Variants in PCNT observed in about 807,000 individuals in gnomAD.
PCNT encodes kendrin.
A neutral mutation model predicts 380.4 loss-of-function variants in PCNT; 319 were observed. The ratio of observed to expected loss-of-function variants is 0.84; its 90% CI spans 0.77 to 0.92. The LOEUF (loss-of-function observed/expected upper bound fraction) is 0.92, where lower values mean the gene tolerates loss of function less well. Ranked by LOEUF, PCNT falls within the 40% of genes least tolerant of loss-of-function variation. The probability of loss-of-function intolerance (pLI) is 0.00; values close to 1 mark genes in which losing one functional copy is unlikely to be tolerated. For missense variants in PCNT, 4,400 were observed against 4,255.3 expected, an observed-to-expected ratio of 1.03 and a Z score of -0.95; for synonymous variants, 1,845 against 1,735.2, an observed-to-expected ratio of 1.06 and a Z score of -1.57.
chr21:46,347,560 T>C (rs1004136387), intron 6 of PCNT, 48 bp downstream of exon 6: 2 of 1,581,626 alleles, frequency 1.3e-6, no homozygotes, highest in Non-Finnish European at 1.7e-6. Context: ...ATGTTGTTTT[T>C]CCTTTCTCGC....
intron 15 of PCNT, among the ~76,000 whole-genome samples, chr21:46,377,442 A>G (rs555540985): frequency 9.8e-4 from 150 of 152,296 alleles, no homozygotes; most frequent in African/African-American, 3.4e-3. Flanking sequence ...TTGTCTTAAA[A>G]CTGAGCTTTT....
intron 37 of PCNT, chr21:46,431,116 G>C (rs2087744140): frequency 8.4e-7 from 1 of 1,185,122 alleles, no homozygotes; most frequent in Non-Finnish European, 1.1e-6. Context: ...TTCCTAGCAA[G>C]CTGGGTGTGT....
chr21:46,421,539 C>T (rs908668640), intron 31 of PCNT, among the ~76,000 whole-genome samples: 1 of 152,218 alleles, frequency 6.6e-6, no homozygotes, highest in Admixed American at 6.5e-5. Context: ...GCACGGTCAG[C>T]GTTTCCTGAG....
chr21:46,381,664 G>C (rs1220828233), intron 15 of PCNT, 30 bp from the exon 16 acceptor site: 3 of 1,601,192 alleles, frequency 1.9e-6, no homozygotes, highest in Middle Eastern at 1.7e-4. Context: ...CTAGCTTACT[G>C]GTATTTTTTA....
intron 36 of PCNT, 50 bp downstream of exon 36, chr21:46,430,282 G>A: frequency 1.3e-6 from 2 of 1,549,646 alleles, no homozygotes; most frequent in Non-Finnish European, 1.8e-6. Context: ...CCCCCGTTGT[G>A]CCATGTTTTC....
At chr21:46,324,413 C>G in intron 1 of PCNT, 131 bp downstream of exon 1, 1 of 809,696 alleles carries the variant, frequency 1.2e-6, no homozygotes, top group Non-Finnish European at 2.1e-6. Flanking sequence ...TCGCTTTTTC[C>G]CGCCGGCTCC....
rs1243267933 is a variant in PCNT at position 46,366,801 on chromosome 21, G to C, written c.2827G>C (p.Ala943Pro). The C allele has an allele frequency of 6.2e-7, 1 of 1,613,684 alleles. No individual in the cohort carries two copies. The highest frequency in any genetic ancestry group is 1.3e-5 in the African/African-American group (1 of 74,958). The change falls in exon 15 of 47, where the codon GCT becomes CCT. Residue 943 changes from alanine to proline, a missense_variant. By Grantham distance (27) the Ala-to-Pro change is conservative (BLOSUM62 -1). Transcript: ENST00000359568. ...AGAGAGCAAGCAGGGGGCTCTGCTG[G>C]CTGCACGTGTGGCCGAACTGCAGAC... ...SLESKQGALL[A>P]ARVAELQTKH...
At chr21:46,375,064 G>A (rs954988561) in intron 15 of PCNT, among the ~76,000 whole-genome samples, 4 of 152,114 alleles carry the variant, frequency 2.6e-5, no homozygotes, top group Admixed American at 2.6e-4. Context: ...TACTTTCCGG[G>A]ATACCGCCCT....
At position 46,384,065 on chromosome 21, in the gene PCNT, G is replaced by T. The variant is rs1159215409; in HGVS notation, c.3313-1767G>T. On this transcript the variant is annotated intron_variant, in intron 16 of 46. Coordinates refer to ENST00000359568, the MANE Select transcript of PCNT (RefSeq NM_006031.6). ...GCACATTCACAGTGCTGTGCATTCA[G>T]CAGCGGAAGCGCATTCACAGTGTTG... Among the ~76,000 whole-genome samples the T allele has an allele frequency of 1.4e-5, 2 of 145,898 alleles. 1 individual carries two copies. Among genetic ancestry groups the T allele is most frequent in the East Asian group, 4.3e-4 (2 of 4,630 alleles).
At chr21:46,343,986 G>A (rs1316169396) in intron 3 of PCNT, among the ~76,000 whole-genome samples, 1 of 151,798 alleles carries the variant, frequency 6.6e-6, no homozygotes, top group Non-Finnish European at 1.5e-5. Flanking sequence ...GTTTCCAATT[G>A]AGCTTATTTG....
intron 15 of PCNT, among the ~76,000 whole-genome samples, chr21:46,368,195 C>T (rs2084993469): frequency 2.6e-5 from 4 of 152,018 alleles, no homozygotes; most frequent in Non-Finnish European, 5.9e-5. Context: ...CCTGTAATCC[C>T]AGCACTTTGG....
At position 46,353,875 on chromosome 21, in the gene PCNT, T is replaced by TG. The variant is rs915208327; in HGVS notation, c.1680-110dup. On this transcript the variant is annotated intron_variant, in intron 10 of 46. Transcript: ENST00000359568. ...CACATGGACATTGCCCGTCCTTGAC[T>TG]GGAAGCACGAGGAGGCGCCTCTGCT... is the stretch of plus-strand genomic sequence containing the variant. 30 of 907,988 alleles carry TG rather than the reference T, an allele frequency of 3.3e-5. No individual in the cohort carries two copies. In the African/African-American group the frequency reaches 4.3e-4, roughly 13 times the overall value. 56.2% of individuals were successfully genotyped at this position (907,988 alleles called of 1,614,324 possible).
At chr21:46,430,310 C>A in intron 36 of PCNT, 78 bp downstream of exon 36, 1 of 1,462,492 alleles carries the variant, frequency 6.8e-7, no homozygotes, top group Non-Finnish European at 9.4e-7. Context: ...TGAAGGGAGA[C>A]AGAACCTCTG....
intron 3 of PCNT, among the ~76,000 whole-genome samples, chr21:46,336,991 TTTG>T (rs757058054): frequency 0.18 from 5,343 of 29,004 alleles, 124 homozygotes; most frequent in Middle Eastern, 0.33. Context: ...GTTTTTTTTG[TTTG>T]TTTGTTTGTT....
intron 10 of PCNT, 100 bp downstream of exon 10, chr21:46,353,426 C>A: frequency 1.0e-6 from 1 of 972,674 alleles, no homozygotes; most frequent in Non-Finnish European, 1.6e-6. Context: ...TAGTAGGCAC[C>A]AATGGCCTTT....
chr21:46,359,491 G>GTTTTTTTT lies in PCNT; in HGVS notation c.2154+2309_2154+2316dup, dbSNP rs1219693835. ...CCAAAAATACACCTGTTTTTTTTTT[G>GTTTTTTTT]TTTTTTTTTTTTTTTTGAGACAGTG... On this transcript the variant is annotated intron_variant, in intron 13 of 46. Transcript: ENST00000359568. Among the ~76,000 whole-genome samples the GTTTTTTTT allele has an allele frequency of 6.1e-5, 4 of 66,044 alleles. 1 individual carries two copies. Among genetic ancestry groups the GTTTTTTTT allele is most frequent in the Non-Finnish European group, 9.5e-5 (3 of 31,484 alleles). 43.3% of individuals were successfully genotyped at this position (66,044 alleles called of 152,430 possible). A position where few individuals can be genotyped will look rare whatever the true frequency, so the allele number is the denominator to read the frequency against.
rs1270294014 is a variant in PCNT, at chr21:46,355,606, C to G, written c.1916C>G (p.Pro639Arg). 2 of 1,613,800 alleles carry G rather than the reference C, an allele frequency of 1.2e-6. No individual in the cohort carries two copies. The highest frequency in any genetic ancestry group is 2.7e-5 in the African/African-American group (2 of 74,932). ...SALGHEWRLE[P>R]SEGHSQELPW... is the part of the protein sequence containing the mutation. ...TTGGGACACGAGTGGCGTCTGGAAC[C>G]CTCTGAAGGGCACAGCCAAGGTGGG... Residue 639 changes from proline (P) to arginine (R), a missense_variant, in exon 12 of 47, where the codon CCC becomes CGC. By Grantham distance (103) the Pro-to-Arg change is moderately radical. Coordinates refer to ENST00000359568, the MANE Select transcript of PCNT (RefSeq NM_006031.6).
chr21:46,327,531 GT>G (rs1033450537), intron 2 of PCNT, among the ~76,000 whole-genome samples: 9 of 152,106 alleles, frequency 5.9e-5, no homozygotes, highest in Non-Finnish European at 1.0e-4. Flanking sequence ...CTCTTAAAGT[GT>G]TGGGATTATA....
At chr21:46,417,422 G>A (rs1334033210) in intron 30 of PCNT, among the ~76,000 whole-genome samples, 1 of 152,004 alleles carries the variant, frequency 6.6e-6, no homozygotes, top group Non-Finnish European at 1.5e-5. Context: ...TCGAACTCCT[G>A]ACCTCATGAT....
Sources: gnomAD v4.1 joint callset for allele counts (sites outside exome capture counted in the v4.1 genomes callset) on GRCh38, gnomAD v4.1.1 for gene constraint, MANE v1.5 for transcripts, NCBI Gene and HGNC (gene_info 2026-07-23, HGNC 2026-07-21) for gene names.